SGCZ: variants seen among roughly 807,000 people sequenced by gnomAD.
SGCZ encodes the protein zeta-sarcoglycan.
SGCZ carries 40 observed loss-of-function variants against 41.3 expected under a neutral mutation model. The ratio of observed to expected loss-of-function variants is 0.97; its 90% CI spans 0.75 to 1.26. The LOEUF (loss-of-function observed/expected upper bound fraction) is 1.26. SGCZ is among the 50% of genes most tolerant of loss of function. The pLI, the probability that SGCZ is intolerant of heterozygous loss-of-function variation, is 0.00. For synonymous variants in SGCZ, 206 were observed against 137.5 expected (o/e 1.50, Z -3.49); for missense variants, 552 against 369.8 (o/e 1.49, Z -4.04).
At chr8:14,567,888 A>G (rs2117223505) in intron 1 of SGCZ, among the ~76,000 whole-genome samples, 1 of 152,310 alleles carries the variant, frequency 6.6e-6, no homozygotes, top group Middle Eastern at 3.4e-3. Context: ...ATCCACCAGA[A>G]GGAAGAAACT....
At chr8:14,827,843 T>A (rs1802388175) in intron 1 of SGCZ, among the ~76,000 whole-genome samples, 1 of 152,014 alleles carries the variant, frequency 6.6e-6, no homozygotes, top group Non-Finnish European at 1.5e-5. Flanking sequence ...CACACATTAA[T>A]AAACACACAC....
chr8:14,639,559 A>C (rs1806951502), intron 1 of SGCZ, among the ~76,000 whole-genome samples: 1 of 151,762 alleles, frequency 6.6e-6, no homozygotes, highest in Non-Finnish European at 1.5e-5. Flanking sequence ...TAGTATTCAT[A>C]GTTAATATAG....
chr8:15,080,380 G>T (rs115257144), intron 1 of SGCZ, among the ~76,000 whole-genome samples: 1 of 152,070 alleles, frequency 6.6e-6, no homozygotes, highest in Non-Finnish European at 1.5e-5. Flanking sequence ...GTCCACGGAA[G>T]TTCCTACCAC....
chr8:14,605,259 GT>G (rs146346588), intron 1 of SGCZ, among the ~76,000 whole-genome samples: 23,985 of 151,056 alleles, frequency 0.16, 2,343 homozygotes, highest in Non-Finnish European at 0.21. Context: ...TCTTTTTAAA[GT>G]TTTTTTTTAA....
intron 2 of SGCZ, among the ~76,000 whole-genome samples, chr8:14,523,532 A>G (rs887085914): frequency 1.4e-4 from 22 of 152,036 alleles, no homozygotes; most frequent in African/African-American, 5.3e-4. Flanking sequence ...GAAATCTGTC[A>G]TTCATATTCT....
At chr8:14,095,012 A>G (rs1399679014) in intron 7 of SGCZ, among the ~76,000 whole-genome samples, 1 of 151,618 alleles carries the variant, frequency 6.6e-6, no homozygotes, top group Non-Finnish European at 1.5e-5. Context: ...TTCTTTTTAG[A>G]TTCTGGATAT....
At chr8:14,658,285 T>G (rs766134179) in intron 1 of SGCZ, among the ~76,000 whole-genome samples, 24 of 152,210 alleles carry the variant, frequency 1.6e-4, no homozygotes, top group Non-Finnish European at 2.8e-4. Context: ...GTCTACTTCT[T>G]ACCTTACTGG....
At chr8:14,551,996 C>G (rs1273168998) in intron 2 of SGCZ, among the ~76,000 whole-genome samples, 3 of 151,690 alleles carry the variant, frequency 2.0e-5, no homozygotes, top group African/African-American at 4.8e-5. Context: ...ATGTTAACAG[C>G]CACAGATTTC....
At chr8:15,089,053 T>C (rs1806054553) in intron 1 of SGCZ, among the ~76,000 whole-genome samples, 1 of 152,176 alleles carries the variant, frequency 6.6e-6, no homozygotes, top group Admixed American at 6.5e-5. Flanking sequence ...TTTATTGCTA[T>C]TAGCAGTGGA....
At chr8:14,106,590 G>T (rs947612237) in intron 6 of SGCZ, among the ~76,000 whole-genome samples, 12 of 152,042 alleles carry the variant, frequency 7.9e-5, no homozygotes, top group African/African-American at 2.9e-4. Context: ...GTATGGTTTC[G>T]TTGCCTTAAA....
At chr8:15,129,684 G>C (rs974842425) in intron 1 of SGCZ, among the ~76,000 whole-genome samples, 1 of 118,168 alleles carries the variant, frequency 8.5e-6, no homozygotes, top group Non-Finnish European at 1.7e-5. Flanking sequence ...GGTCCCGTTC[G>C]GGTAAAGTCA....
intron 5 of SGCZ, among the ~76,000 whole-genome samples, chr8:14,132,018 T>C (rs182918649): frequency 3.3e-5 from 5 of 152,320 alleles, no homozygotes; most frequent in Admixed American, 3.3e-4. Flanking sequence ...TGCATGCCTG[T>C]TGATAAGTAA....
chr8:14,635,615 C>G lies in SGCZ; in HGVS notation c.40-80689G>C, dbSNP rs115778574. Among the ~76,000 whole-genome samples the G allele has an allele frequency of 8.7e-3, 1,326 of 151,850 alleles. 16 individuals carry two copies. The highest frequency in any genetic ancestry group is 0.03 in the African/African-American group (1,258 of 41,468). ...AGTAGCAGGTAAAATTTCACATATT[C>G]TCTCTTCATCCCAACAGGACATTAA... is the stretch of plus-strand genomic sequence containing the variant. On this transcript the variant is annotated intron_variant, in intron 1 of 7. Coordinates refer to ENST00000382080, the MANE Select transcript of SGCZ (RefSeq NM_139167.4).
chr8:15,025,946 G>A (rs1362094805), intron 1 of SGCZ, among the ~76,000 whole-genome samples: 4 of 151,454 alleles, frequency 2.6e-5, no homozygotes, highest in South Asian at 4.2e-4. Flanking sequence ...CTGTTGTTTC[G>A]AACCACACAA....
intron 1 of SGCZ, among the ~76,000 whole-genome samples, chr8:15,170,120 G>C (rs1482552652): frequency 7.1e-6 from 1 of 140,106 alleles, no homozygotes; most frequent in Non-Finnish European, 1.5e-5. Context: ...TAGATGATCA[G>C]TAATTAAATT....
intron 1 of SGCZ, among the ~76,000 whole-genome samples, chr8:14,956,562 G>C (rs532017740): frequency 6.6e-6 from 1 of 151,950 alleles, no homozygotes; most frequent in Admixed American, 6.6e-5. Context: ...TGCATACAAT[G>C]TCTTATAAGA....
At chr8:15,172,170 T>TA (rs1281025063) in intron 1 of SGCZ, among the ~76,000 whole-genome samples, 1 of 136,404 alleles carries the variant, frequency 7.3e-6, no homozygotes, top group African/African-American at 2.8e-5. Context: ...TTTTTTTTTT[T>TA]TTTTTTTTTG....
At chr8:15,017,865 G>T (rs1440012106) in intron 1 of SGCZ, among the ~76,000 whole-genome samples, 1 of 152,004 alleles carries the variant, frequency 6.6e-6, no homozygotes, top group African/African-American at 2.4e-5. Context: ...AACAGAACTG[G>T]TTTCTCACAA....
chr8:15,146,509 G>A (rs1008350533), intron 1 of SGCZ, among the ~76,000 whole-genome samples: 1 of 152,166 alleles, frequency 6.6e-6, no homozygotes, highest in East Asian at 1.9e-4. Flanking sequence ...TGAGTAGATG[G>A]GACTACAAGA....
Sources: allele counts gnomAD v4.1 joint callset (sites outside exome capture counted in the v4.1 genomes callset), GRCh38; gene constraint gnomAD v4.1.1; transcripts MANE v1.5; gene names NCBI Gene and HGNC (gene_info 2026-07-23, HGNC 2026-07-21).